Variants in IFT140 observed in about 807,000 individuals in gnomAD.
IFT140 encodes the protein intraflagellar transport 140.
IFT140 carries 133 observed loss-of-function variants against 164.6 expected under a neutral mutation model. The ratio of observed to expected loss-of-function variants is 0.81; its 90% CI spans 0.70 to 0.93. The LOEUF (loss-of-function observed/expected upper bound fraction) is 0.93. Ranked by LOEUF, IFT140 falls within the 40% of genes least tolerant of loss-of-function variation. The probability of loss-of-function intolerance (pLI) is 0.00; values close to 1 mark genes in which losing one functional copy is unlikely to be tolerated. For synonymous variants in IFT140, 860 were observed against 817.3 expected (o/e 1.05, Z -0.89); for missense variants, 2,045 against 1,972.3 (o/e 1.04, Z -0.70).
intron 2 of IFT140, 43 bp from the exon 3 acceptor site, chr16:1,607,340 A>G (rs2142102456): frequency 6.7e-7 from 1 of 1,482,410 alleles, no homozygotes; most frequent in East Asian, 2.3e-5. Context: ...AGTTTTAAAT[A>G]AAACAAACAA....
intron 12 of IFT140, among the ~76,000 whole-genome samples, chr16:1,582,431 G>C (rs1393969421): frequency 6.6e-6 from 1 of 152,214 alleles, no homozygotes; most frequent in Non-Finnish European, 1.5e-5. Flanking sequence ...AGGAAGCGTG[G>C]CCCTGCTGAC....
intron 26 of IFT140, 147 bp from the exon 27 acceptor site, chr16:1,520,955 A>G: frequency 1.6e-6 from 1 of 644,888 alleles, no homozygotes; most frequent in Non-Finnish European, 2.6e-6. Flanking sequence ...GGGGACAAGG[A>G]TGTCTCCCCT....
chr16:1,587,328 C>G (rs371145533), intron 8 of IFT140, 24 bp from the exon 9 acceptor site: 1 of 1,466,914 alleles, frequency 6.8e-7, no homozygotes, highest in African/African-American at 1.4e-5. Flanking sequence ...AAGCAAGCCC[C>G]ATGGAGGGCC....
chr16:1,538,015 G>T (rs535550262), intron 19 of IFT140, among the ~76,000 whole-genome samples: 3 of 152,194 alleles, frequency 2.0e-5, no homozygotes, highest in Non-Finnish European at 2.9e-5. Flanking sequence ...CTGCTACCAC[G>T]CACAGCCACG....
At chr16:1,583,127 G>A (rs1014121443) in intron 12 of IFT140, among the ~76,000 whole-genome samples, 187 bp downstream of exon 12, 2 of 152,178 alleles carry the variant, frequency 1.3e-5, no homozygotes, top group African/African-American at 4.8e-5. Context: ...CACACAGCAG[G>A]CCCCAGGATG....
chr16:1,574,950 G>T, intron 13 of IFT140, among the ~76,000 whole-genome samples: 1 of 152,220 alleles, frequency 6.6e-6, no homozygotes, highest in East Asian at 1.9e-4. Flanking sequence ...CCTGAGGAGG[G>T]ATAGTGACCT....
Position 1,510,778 on chromosome 16 carries a change from C to G in IFT140, c.*166G>C, listed in dbSNP as rs1267497519. The stretch of plus-strand genomic sequence containing the variant: ...GGGACAGAGCAAGGTGCAGACGGGT[C>G]ACACCCTCCGCCGGCCCGGGCCGCT... On this transcript the variant is annotated 3_prime_UTR_variant, in exon 31 of 31. Coordinates refer to ENST00000426508, the MANE Select transcript of IFT140 (RefSeq NM_014714.4). The G allele has an allele frequency of 4.4e-6, 3 of 679,168 alleles. No homozygotes were observed. Among genetic ancestry groups the G allele is most frequent in the Admixed American group, 2.3e-5 (1 of 43,794 alleles). The allele number at this position is 679,168 out of a possible 1,614,324, so 42.1% of individuals were successfully genotyped here. A position where few individuals can be genotyped will look rare whatever the true frequency, so the allele number is the denominator to read the frequency against.
rs576458824 is a variant in IFT140 at position 1,524,632 on chromosome 16, C to A, written c.3061G>T (p.Glu1021Ter). The part of the protein sequence containing the change: ...AASYHLARQY[E>*]SQEEVGQAVH... ...GCCTGCCCGACCTCCTCCTGGCTCT[C>A]GTACTGGCGGGCGAGGTGGTAGGAG... Residue 1021 changes from glutamate (E) to a stop codon, truncating the protein, a stop_gained, in exon 24 of 31, where the codon GAG becomes TAG. Coordinates refer to ENST00000426508, the MANE Select transcript of IFT140 (RefSeq NM_014714.4). LOFTEE classifies it high-confidence loss of function. 6.2e-7 allele frequency: 1 copy of A among 1,600,240 alleles called. No individual in the cohort carries two copies. Among genetic ancestry groups the A allele is most frequent in the South Asian group, 1.1e-5 (1 of 90,204 alleles).
chr16:1,599,808 G>A (rs1462772584), intron 4 of IFT140, among the ~76,000 whole-genome samples: 2 of 75,400 alleles, frequency 2.7e-5, no homozygotes, highest in Admixed American at 1.2e-4. Flanking sequence ...CCGGCCAGCC[G>A]CCCCGTCCAG....
At chr16:1,585,142 A>G (rs2034800647) in intron 10 of IFT140, among the ~76,000 whole-genome samples, 2 of 152,370 alleles carry the variant, frequency 1.3e-5, no homozygotes, top group African/African-American at 2.4e-5. Flanking sequence ...AAACGTGTAC[A>G]CAAGTGTTCG....
intron 2 of IFT140, among the ~76,000 whole-genome samples, chr16:1,607,653 T>C (rs2036144954): frequency 6.6e-6 from 1 of 152,210 alleles, no homozygotes; most frequent in African/African-American, 2.4e-5. Context: ...GTAGTTCCCT[T>C]TAACTTTTTA....
rs4786350 is a variant in IFT140 at position 1,587,999 on chromosome 16, C to G, written c.836G>C (p.Arg279Pro). Residue 279 changes from arginine (R) to proline (P), a missense_variant, in exon 8 of 31, where the codon CGC becomes CCC. Arg to Pro is a moderately radical substitution (Grantham distance 103, BLOSUM62 -2). Transcript: ENST00000426508. Reference sequence around the variant, plus strand: ...TTCAATCAAAGCGATGTCTGCCCGGCGGCCGGTTTTCCCGCTCAGCTTGAC... The same window carrying G: ...TTCAATCAAAGCGATGTCTGCCCGGGGGCCGGTTTTCCCGCTCAGCTTGAC... ...MKVKLSGKTG[R>P]RADIALIEGS... 0.044 allele frequency: 71,398 copies of G among 1,613,380 alleles called. 2,167 individuals carry two copies. The highest frequency in any genetic ancestry group is 0.098 in the Admixed American group (5,841 of 59,896).
chr16:1,606,973 T>C (rs2036102117), intron 3 of IFT140, 147 bp downstream of exon 3: 1 of 782,278 alleles, frequency 1.3e-6, no homozygotes, highest in African/African-American at 1.8e-5. Context: ...CACACACCAA[T>C]ACACATACAC....
rs760253028 is a variant in IFT140 at position 1,518,236 on chromosome 16, G to A, written c.4162C>T (p.Arg1388Trp). Residue 1388 changes from arginine to tryptophan, a missense_variant, in exon 30 of 31, where the codon CGG (arginine) becomes TGG (tryptophan). By Grantham distance (101) the Arg-to-Trp change is moderately radical. Coordinates refer to ENST00000426508, the MANE Select transcript of IFT140 (RefSeq NM_014714.4). ...VYGFLVEHYV[R>W]KEEYQTAYRF... is the part of the protein sequence containing the mutation. ...CTCACCGTCTGGTATTCCTCCTTCC[G>A]CACGTAGTGCTCCACCAGGAAGCCA... The A allele has an allele frequency of 1.2e-5, 20 of 1,613,502 alleles. No individual in the cohort carries two copies. Among genetic ancestry groups the A allele is most frequent in the Admixed American group, 1.0e-4 (6 of 59,996 alleles).
chr16:1,592,726 CAGAGTGACTGGT>C, intron 4 of IFT140, 138 bp from the exon 5 acceptor site: 6 of 1,353,526 alleles, frequency 4.4e-6, no homozygotes, highest in Non-Finnish European at 3.0e-6. Context: ...GGTGTCCCGG[CAGAGTGACTGGT>C]GGAGGGACAG....
intron 19 of IFT140, among the ~76,000 whole-genome samples, chr16:1,535,822 C>T (rs185692071): frequency 3.7e-4 from 57 of 152,336 alleles, no homozygotes; most frequent in African/African-American, 1.3e-3. Flanking sequence ...GACCAACAGC[C>T]GTCTTTTAAA....
Position 1,542,103 on chromosome 16 carries a change from C to T in IFT140, c.2400-15307G>A, listed in dbSNP as rs553449841. 169 of 1,560,862 alleles carry T rather than the reference C, an allele frequency of 1.1e-4. 2 individuals are homozygous for T. In the South Asian group the frequency reaches 1.7e-3, roughly 16 times the overall value. On this transcript the variant is annotated intron_variant, in intron 19 of 30. Coordinates refer to ENST00000426508, the MANE Select transcript of IFT140 (RefSeq NM_014714.4). ...TAAGTACCTGGGCGGGTGTGGCCACCGCGCCCTTGCCCCCTGTGGCCTTCT... is the reference window on the plus strand; with the variant it reads ...TAAGTACCTGGGCGGGTGTGGCCACTGCGCCCTTGCCCCCTGTGGCCTTCT...
intron 13 of IFT140, chr16:1,577,846 AC>A (rs1344341738): frequency 1.3e-5 from 2 of 151,012 alleles, no homozygotes; most frequent in Admixed American, 1.3e-4. Context: ...AAAAAGCAGA[AC>A]CCCAACTTAA....
intron 10 of IFT140, among the ~76,000 whole-genome samples, chr16:1,585,288 C>T (rs1284706847): frequency 3.3e-5 from 5 of 152,170 alleles, no homozygotes; most frequent in Non-Finnish European, 7.4e-5. Context: ...GGCCTTGAAA[C>T]CTCAGCTCAG....
Sources: gnomAD v4.1 joint callset for allele counts (sites outside exome capture counted in the v4.1 genomes callset) on GRCh38, gnomAD v4.1.1 for gene constraint, MANE v1.5 for transcripts, NCBI Gene and HGNC (gene_info 2026-07-23, HGNC 2026-07-21) for gene names.